Variants in NFE2L3 observed in about 807,000 individuals in gnomAD.
NFE2L3 encodes the protein nuclear factor erythroid 2-related factor 3.
In NFE2L3, 18 loss-of-function variants were observed where a neutral mutation model predicts 23.5. The observed-to-expected ratio is 0.77, with a 90% confidence interval of 0.53 to 1.13. NFE2L3 has a LOEUF of 1.13. NFE2L3 is among the 50% of genes most tolerant of loss of function. The pLI, the probability that NFE2L3 is intolerant of heterozygous loss-of-function variation, is 0.00. For synonymous variants in NFE2L3, 424 were observed against 354.5 expected, an observed-to-expected ratio of 1.20 and a Z score of -2.20; for missense variants, 1,152 against 877.2, an observed-to-expected ratio of 1.31 and a Z score of -3.96.
At chr7:26,175,778 CAAAA>C (rs766870480) in intron 1 of NFE2L3, among the ~76,000 whole-genome samples, 1 of 80,370 alleles carries the variant, frequency 1.2e-5, no homozygotes, top group East Asian at 2.8e-4. Context: ...GACTCTGTCT[CAAAA>C]AAAAAAAAAA....
Position 26,186,351 on chromosome 7 carries a change from A to G in NFE2L3, c.*568A>G, listed in dbSNP as rs1180194865. 1 of 152,246 alleles carries G rather than the reference A, an allele frequency of 6.6e-6. No individual in the cohort carries two copies. Among genetic ancestry groups the G allele is most frequent in the Non-Finnish European group, 1.5e-5 (1 of 68,076 alleles). The allele number at this position is 152,246 out of a possible 1,614,324, so 9.4% of individuals were successfully genotyped here. A position where few individuals can be genotyped will look rare whatever the true frequency, so the allele number is the denominator to read the frequency against. On this transcript the variant is annotated 3_prime_UTR_variant, in exon 4 of 4. Transcript: ENST00000056233. ...AAATTTACCTTACTTTCCTTCCAAA[A>G]TATCCACATTCAGGAATATAGGTGA... is the stretch of plus-strand genomic sequence containing the variant.
intron 1 of NFE2L3, among the ~76,000 whole-genome samples, chr7:26,172,833 C>G (rs887455976): frequency 1.3e-5 from 2 of 152,118 alleles, no homozygotes; most frequent in African/African-American, 2.4e-5. Flanking sequence ...TGGTGTCTGC[C>G]AGATTTCTCC....
At chr7:26,183,826 G>C (rs781395661) in intron 3 of NFE2L3, 42 bp downstream of exon 3, 1 of 1,259,968 alleles carries the variant, frequency 7.9e-7, no homozygotes, top group African/African-American at 1.5e-5. Context: ...GAACATATCT[G>C]CACTGACCTT....
intron 1 of NFE2L3, among the ~76,000 whole-genome samples, chr7:26,176,377 C>T (rs190689366): frequency 2.7e-4 from 41 of 152,264 alleles, no homozygotes; most frequent in East Asian, 7.7e-4. Flanking sequence ...ACTGTCTCTT[C>T]GGAGCTGTTG....
At chr7:26,162,379 A>C (rs533302179) in intron 1 of NFE2L3, among the ~76,000 whole-genome samples, 1 of 152,086 alleles carries the variant, frequency 6.6e-6, no homozygotes, top group African/African-American at 2.4e-5. Flanking sequence ...TGATGATAAG[A>C]GTGCTGATCA....
Position 26,185,212 on chromosome 7 carries a change from C to A in NFE2L3, c.1514C>A (p.Thr505Asn), listed in dbSNP as rs13309640. The A allele has an allele frequency of 1.2e-6, 2 of 1,613,820 alleles. No individual in the cohort carries two copies. Among genetic ancestry groups the A allele is most frequent in the African/African-American group, 2.7e-5 (2 of 74,924 alleles). ...AACCACACTTACCACTTACAGCCAA[C>A]TGCACCAGAATCTACTTCTGAACCT... ...FHNHTYHLQP[T>N]APESTSEPFP... Residue 505 changes from threonine (T) to asparagine (N), a missense_variant, in exon 4 of 4, where the codon ACT becomes AAT. Thr to Asn is a moderately conservative substitution (Grantham distance 65, BLOSUM62 0). Transcript: ENST00000056233.
intron 1 of NFE2L3, among the ~76,000 whole-genome samples, chr7:26,161,863 C>T (rs893434826): frequency 6.6e-6 from 1 of 152,086 alleles, no homozygotes; most frequent in African/African-American, 2.4e-5. Context: ...ATGCTTAATG[C>T]CAGGCGCAGT....
rs1392593338 is a variant in NFE2L3, at chr7:26,186,640, G to C, written c.*857G>C. On this transcript the variant is annotated 3_prime_UTR_variant, in exon 4 of 4. Coordinates refer to ENST00000056233, the MANE Select transcript of NFE2L3 (RefSeq NM_004289.7). ...TATTAAATCCATAAAATCTCTGGCA[G>C]TAAAGCCAGCCTGAAGGGATGGCCT... The C allele has an allele frequency of 6.6e-6, 1 of 152,186 alleles. No homozygotes were observed. The highest frequency in any genetic ancestry group is 1.5e-5 in the Non-Finnish European group (1 of 68,044). The allele number at this position is 152,186 out of a possible 1,614,324, so 9.4% of individuals were successfully genotyped here. A position where few individuals can be genotyped will look rare whatever the true frequency, so the allele number is the denominator to read the frequency against.
rs571664252 is a variant in NFE2L3 at position 26,186,156 on chromosome 7, A to T, written c.*373A>T. Reference sequence around the variant, plus strand: ...ATCAAATTATTTTAAGAGGTATTTCAGTTTTAAATGCAAAATAGCCTTATT... The same window carrying T: ...ATCAAATTATTTTAAGAGGTATTTCTGTTTTAAATGCAAAATAGCCTTATT... On this transcript the variant is annotated 3_prime_UTR_variant, in exon 4 of 4. Transcript: ENST00000056233. 3.3e-4 allele frequency: 55 copies of T among 167,300 alleles called. No homozygotes were observed. The highest frequency in any genetic ancestry group is 1.3e-3 in the African/African-American group (53 of 42,164). 10.4% of individuals were successfully genotyped at this position (167,300 alleles called of 1,614,324 possible).
chr7:26,164,236 A>T (rs1376914163), intron 1 of NFE2L3, among the ~76,000 whole-genome samples: 1 of 152,168 alleles, frequency 6.6e-6, no homozygotes, highest in Admixed American at 6.5e-5. Context: ...CGCCACACTG[A>T]CTTCCACAAT....
intron 2 of NFE2L3, among the ~76,000 whole-genome samples, chr7:26,182,942 ACAC>A (rs1479138676): frequency 1.3e-5 from 2 of 152,084 alleles, no homozygotes; most frequent in African/African-American, 4.8e-5. Context: ...CCACAGGTGC[ACAC>A]CACCACACCC....
chr7:26,179,992 T>C (rs906476633), intron 2 of NFE2L3, among the ~76,000 whole-genome samples: 1 of 152,198 alleles, frequency 6.6e-6, no homozygotes, highest in African/African-American at 2.4e-5. Context: ...TTTAGGACTC[T>C]TCCCTGAATG....
rs964705881 is a variant in NFE2L3, at chr7:26,177,589, C to T, written c.571-354C>T. Among the ~76,000 whole-genome samples the T allele has an allele frequency of 8.5e-5, 13 of 152,144 alleles. No individual in the cohort carries two copies. In the East Asian group the frequency reaches 1.5e-3, roughly 18 times the overall value. On this transcript the variant is annotated intron_variant, in intron 1 of 3. Transcript: ENST00000056233. ...TCCAGGCTCAGCAATGGAGGGAGACCGTCGAAAGGAGGGAAGGAGGGAGGA... is the reference window on the plus strand; with the variant it reads ...TCCAGGCTCAGCAATGGAGGGAGACTGTCGAAAGGAGGGAAGGAGGGAGGA...
At position 26,184,599 on chromosome 7, in the gene NFE2L3, T is replaced by G. The variant is rs374216383; in HGVS notation, c.901T>G (p.Tyr301Asp). 2 of 1,613,884 alleles carry G rather than the reference T, an allele frequency of 1.2e-6. No individual in the cohort carries two copies. Among genetic ancestry groups the G allele is most frequent in the African/African-American group, 1.3e-5 (1 of 75,052 alleles). ...ISDGMNSSAH[Y>D]HVNFSQAISQ... ...TGATGGCATGAATTCTTCAGCACATTATCATGTAAACTTCAGCCAGGCTAT... is the reference window on the plus strand; with the variant it reads ...TGATGGCATGAATTCTTCAGCACATGATCATGTAAACTTCAGCCAGGCTAT... Residue 301 changes from tyrosine (Y) to aspartate (D), a missense_variant, in exon 4 of 4, where the codon TAT becomes GAT. Coordinates refer to ENST00000056233, the MANE Select transcript of NFE2L3 (RefSeq NM_004289.7).
chr7:26,152,626 A>T lies in NFE2L3; in HGVS notation c.128A>T (p.Gln43Leu), dbSNP rs751406830. The stretch of plus-strand genomic sequence containing the variant: ...CTGCTGCCGCCGCCCACCCTGCTGC[A>T]GGACGAGCTGCTGTTCCTGGGCGGC... ...YLLLPPPTLL[Q>L]DELLFLGGPA... The change falls in exon 1 of 4, where the codon CAG (glutamine) becomes CTG (leucine). Residue 43 changes from glutamine (Q) to leucine (L), a missense_variant. Gln to Leu is a moderately radical substitution (Grantham distance 113). Coordinates refer to ENST00000056233, the MANE Select transcript of NFE2L3 (RefSeq NM_004289.7). The surrounding 1 kb of genome is among the most constrained non-coding windows in gnomAD (Gnocchi z 4.4). 1 of 1,532,056 alleles carries T rather than the reference A, an allele frequency of 6.5e-7. No individual in the cohort carries two copies. Among genetic ancestry groups the T allele is most frequent in the African/African-American group, 1.4e-5 (1 of 70,456 alleles). The allele number at this position is 1,532,056 out of a possible 1,614,324, so 94.9% of individuals were successfully genotyped here. A position where few individuals can be genotyped will look rare whatever the true frequency, so the allele number is the denominator to read the frequency against.
At chr7:26,184,128 T>A in intron 3 of NFE2L3, 1 of 350,606 alleles carries the variant, frequency 2.9e-6, no homozygotes, top group Non-Finnish European at 5.2e-6. Flanking sequence ...CCTTGTAGTT[T>A]TAGCGCTTAG....
chr7:26,168,914 C>T (rs369268928), intron 1 of NFE2L3, among the ~76,000 whole-genome samples: 6 of 152,150 alleles, frequency 3.9e-5, no homozygotes, highest in African/African-American at 7.2e-5. Context: ...TTTCACACAT[C>T]GGGAAACTGA....
intron 2 of NFE2L3, among the ~76,000 whole-genome samples, chr7:26,183,391 T>C (rs150916670): frequency 0.011 from 1,716 of 151,948 alleles, 19 homozygotes; most frequent in Middle Eastern, 0.031. Context: ...CTACTAAAAA[T>C]ACAAAAATTA....
intron 1 of NFE2L3, among the ~76,000 whole-genome samples, chr7:26,162,558 C>T (rs1042351252): frequency 1.8e-4 from 27 of 152,086 alleles, no homozygotes; most frequent in African/African-American, 6.0e-4. Flanking sequence ...TAATTTAACA[C>T]TAAATAAATG....
Sources: allele counts gnomAD v4.1 joint callset (sites outside exome capture counted in the v4.1 genomes callset), GRCh38; gene constraint gnomAD v4.1.1; non-coding constraint Gnocchi (gnomAD v3.1); transcripts MANE v1.5; gene names NCBI Gene and HGNC (gene_info 2026-07-23, HGNC 2026-07-21).